The following CNGB3 variants were observed in gnomAD, a reference collection of about 807,000 sequenced individuals.
The protein encoded by CNGB3 is cyclic nucleotide-gated channel beta-3.
Under a neutral mutation model 92.8 loss-of-function variants are expected in CNGB3, and 86 were observed. The observed-to-expected ratio is 0.93, with a 90% CI of 0.78 to 1.11. The LOEUF (loss-of-function observed/expected upper bound fraction) is 1.11. CNGB3 is among the 50% of genes least tolerant of loss of function. The pLI, the probability that CNGB3 is intolerant of heterozygous loss-of-function variation, is 0.00. For synonymous variants in CNGB3, 333 were observed against 332.7 expected (o/e 1.00, Z -0.01); for missense variants, 1,026 against 956.8 (o/e 1.07, Z -0.95).
At chr8:86,606,944 T>C (rs973357981) in intron 14 of CNGB3, among the ~76,000 whole-genome samples, 2 of 152,190 alleles carry the variant, frequency 1.3e-5, no homozygotes, top group Admixed American at 6.5e-5. Context: ...CATGAATGAA[T>C]TAAAAAATAA....
At chr8:86,671,268 A>G (rs1823857203) in intron 3 of CNGB3, among the ~76,000 whole-genome samples, 170 bp from the exon 4 acceptor site, 1 of 152,226 alleles carries the variant, frequency 6.6e-6, no homozygotes, top group South Asian at 2.1e-4. Flanking sequence ...TGCTGGTGGA[A>G]TACAGATTTG....
At chr8:86,635,015 A>C (rs1304383323) in intron 10 of CNGB3, among the ~76,000 whole-genome samples, 2 of 151,660 alleles carry the variant, frequency 1.3e-5, no homozygotes, top group African/African-American at 4.8e-5. Context: ...AAAATAATGA[A>C]CTCTTTGGTA....
intron 6 of CNGB3, among the ~76,000 whole-genome samples, chr8:86,663,375 C>T (rs536207119): frequency 3.6e-4 from 55 of 152,248 alleles, no homozygotes; most frequent in Middle Eastern, 3.4e-3. Context: ...TGTTTGACTG[C>T]GTTTCAAAAT....
chr8:86,730,966 A>C (rs960713194), intron 2 of CNGB3, among the ~76,000 whole-genome samples: 1 of 152,220 alleles, frequency 6.6e-6, no homozygotes, highest in African/African-American at 2.4e-5. Flanking sequence ...AGAAGGACTC[A>C]GAAGGGATGA....
At chr8:86,608,939 G>A (rs976464865) in intron 14 of CNGB3, among the ~76,000 whole-genome samples, 1 of 152,166 alleles carries the variant, frequency 6.6e-6, no homozygotes, top group African/African-American at 2.4e-5. Context: ...GGGCCCAGCT[G>A]TCTTTTCTTC....
chr8:86,576,272 G>C (rs1821660575), intron 17 of CNGB3, 142 bp from the exon 18 acceptor site: 1 of 919,208 alleles, frequency 1.1e-6, no homozygotes, highest in East Asian at 2.4e-5. Context: ...TGTCTGCTTT[G>C]CTTCTGACTA....
rs908264089 is a variant in CNGB3 at position 86,575,005 on chromosome 8, A to G, written c.*799T>C. 2.0e-5 allele frequency: 3 copies of G among 152,224 alleles called. No homozygotes were observed. Among genetic ancestry groups the G allele is most frequent in the Non-Finnish European group, 2.9e-5 (2 of 68,036 alleles). 9.4% of individuals were successfully genotyped at this position (152,224 alleles called of 1,614,324 possible). A position where few individuals can be genotyped will look rare whatever the true frequency, so the allele number is the denominator to read the frequency against. On this transcript the variant is annotated 3_prime_UTR_variant, in exon 18 of 18. Coordinates refer to ENST00000320005, the MANE Select transcript of CNGB3 (RefSeq NM_019098.5). ...CAGCAAGTGCTTGAGGAAGATTCTG[A>G]TAAGTGTCACTTTAGCCTGTATCCT...
intron 14 of CNGB3, among the ~76,000 whole-genome samples, chr8:86,610,045 C>T (rs892094280): frequency 6.6e-6 from 1 of 152,130 alleles, no homozygotes; most frequent in Non-Finnish European, 1.5e-5. Context: ...TTGTTTATAG[C>T]TTGTCTCTCG....
chr8:86,636,783 T>C (rs1337338874), intron 10 of CNGB3, among the ~76,000 whole-genome samples: 2 of 151,934 alleles, frequency 1.3e-5, no homozygotes, highest in Admixed American at 6.6e-5. Flanking sequence ...CCCATCCTAC[T>C]CTCTACTACT....
At chr8:86,618,796 G>T (rs1437854050) in intron 13 of CNGB3, among the ~76,000 whole-genome samples, 2 of 152,204 alleles carry the variant, frequency 1.3e-5, no homozygotes, top group African/African-American at 4.8e-5. Flanking sequence ...AGGCCCTGTG[G>T]AGTAAATATG....
At chr8:86,665,381 C>CA (rs1481034528) in intron 6 of CNGB3, among the ~76,000 whole-genome samples, 1 of 152,176 alleles carries the variant, frequency 6.6e-6, no homozygotes, top group Non-Finnish European at 1.5e-5. Context: ...AAACTTAAAA[C>CA]AGACCTACCA....
At chr8:86,620,674 A>G (rs76314454) in intron 13 of CNGB3, among the ~76,000 whole-genome samples, 10,620 of 152,118 alleles carry the variant, frequency 0.07, 988 homozygotes, top group African/African-American at 0.21. Context: ...TTGTGCACTC[A>G]GCTCCCTGGG....
chr8:86,696,298 C>G (rs898138116), intron 3 of CNGB3, among the ~76,000 whole-genome samples: 2 of 152,026 alleles, frequency 1.3e-5, no homozygotes, highest in Non-Finnish European at 2.9e-5. Context: ...GTGGTGCTTC[C>G]AAGAGAGTAC....
intron 3 of CNGB3, among the ~76,000 whole-genome samples, chr8:86,682,387 T>C (rs1824098454): frequency 6.6e-6 from 1 of 152,212 alleles, no homozygotes; most frequent in Non-Finnish European, 1.5e-5. Context: ...ATATCTTGGC[T>C]TCTGACCAAT....
intron 2 of CNGB3, among the ~76,000 whole-genome samples, chr8:86,739,081 C>T (rs4961213): frequency 0.065 from 9,888 of 151,918 alleles, 425 homozygotes; most frequent in East Asian, 0.13. Flanking sequence ...TAGAATATAC[C>T]GTCGTGTACA....
rs565258951 is a variant in CNGB3, at chr8:86,600,063, T to C, written c.1781+4030A>G. Among the ~76,000 whole-genome samples, 18 of 152,320 alleles carry C rather than the reference T, an allele frequency of 1.2e-4. 1 individual carries two copies. The South Asian group carries it at 3.5e-3, about 30-fold the overall frequency. ...ATTTCTCTCTCTTGTACTCTGTTCC[T>C]TTATTTCTCAGACCAGCCAACACTT... On this transcript the variant is annotated intron_variant, in intron 15 of 17. Coordinates refer to ENST00000320005, the MANE Select transcript of CNGB3 (RefSeq NM_019098.5).
At chr8:86,634,303 G>A (rs1385716362) in intron 10 of CNGB3, among the ~76,000 whole-genome samples, 1 of 152,082 alleles carries the variant, frequency 6.6e-6, no homozygotes, top group Non-Finnish European at 1.5e-5. Context: ...AGGCTTTGTG[G>A]TAGATGATTT....
intron 2 of CNGB3, among the ~76,000 whole-genome samples, chr8:86,729,431 A>G (rs2131674352): frequency 6.6e-6 from 1 of 152,340 alleles, no homozygotes; most frequent in Non-Finnish European, 1.5e-5. Context: ...GCAACTTACC[A>G]GATCTTCTCT....
intron 11 of CNGB3, among the ~76,000 whole-genome samples, chr8:86,632,093 G>A (rs943120745): frequency 3.3e-5 from 5 of 151,752 alleles, no homozygotes; most frequent in Admixed American, 6.6e-5. Context: ...CAGCTACTTG[G>A]GGGGCTGGGG....
Sources: allele counts gnomAD v4.1 joint callset (sites outside exome capture counted in the v4.1 genomes callset), GRCh38; gene constraint gnomAD v4.1.1; transcripts MANE v1.5; gene names NCBI Gene and HGNC (gene_info 2026-07-23, HGNC 2026-07-21).